SCGB1D4: variants seen among roughly 807,000 people sequenced by gnomAD.
SCGB1D4 encodes the protein secretoglobin family 1D member 4.
SCGB1D4 carries 6 observed loss-of-function variants against 8.1 expected under a neutral mutation model. The observed-to-expected ratio is 0.74, with a 90% CI of 0.40 to 1.45. The LOEUF (loss-of-function observed/expected upper bound fraction) is 1.45, where lower values mean the gene tolerates loss of function less well. SCGB1D4 is among the 40% of genes most tolerant of loss of function. SCGB1D4 has a pLI of 0.02. For missense variants in SCGB1D4, 93 were observed against 95.0 expected (o/e 0.98, Z 0.09); for synonymous variants, 34 against 38.1 (o/e 0.89, Z 0.39).
At chr11:62,297,373 G>T in intron 2 of SCGB1D4, 99 bp downstream of exon 2, 1 of 981,922 alleles carries the variant, frequency 1.0e-6, no homozygotes, top group Non-Finnish European at 1.6e-6. Context: ...GCACACTCTG[G>T]GGACACAGCA....
Position 62,297,761 on chromosome 11 carries a change from C to G in SCGB1D4, c.56-103G>C, listed in dbSNP as rs568387094. On this transcript the variant is annotated intron_variant, in intron 1 of 2. Transcript: ENST00000358585. ...ACAGGATCCCCTGGGTTCTATGTTTCTATACCATTATTGTGCTGATGACAA... is the reference window on the plus strand; with the variant it reads ...ACAGGATCCCCTGGGTTCTATGTTTGTATACCATTATTGTGCTGATGACAA... 1.8e-4 allele frequency: 158 copies of G among 900,410 alleles called. 3 individuals are homozygous for G. In the South Asian group the frequency reaches 2.5e-3, roughly 14 times the overall value. 55.8% of individuals were successfully genotyped at this position (900,410 alleles called of 1,614,324 possible).
In SCGB1D4 at chr11:62,299,073, C is replaced by A; in HGVS notation, c.-63G>T. The A allele has an allele frequency of 6.4e-7, 1 of 1,553,240 alleles. No individual in the cohort carries two copies. The highest frequency in any genetic ancestry group is 8.8e-7 in the Non-Finnish European group (1 of 1,135,024). ...AGTGATTTGGATTCGACTCCAGGAG[C>A]CTGTGTAGTCATGGAGGCCAGGGCT... On this transcript the variant is annotated 5_prime_UTR_variant, in exon 1 of 3. Coordinates refer to ENST00000358585, the MANE Select transcript of SCGB1D4 (RefSeq NM_206998.2).
chr11:62,297,187 G>A (rs146764467), intron 2 of SCGB1D4, among the ~76,000 whole-genome samples: 10 of 152,276 alleles, frequency 6.6e-5, no homozygotes, highest in Admixed American at 1.3e-4. Context: ...CCAGCTCTAG[G>A]TCCCCTCAAG....
rs377568630 is a variant in SCGB1D4 at position 62,296,432 on chromosome 11, AAAAG to A, written c.243-17_243-14del. On this transcript the variant is annotated splice_polypyrimidine_tract_variant and intron_variant, in intron 2 of 2. Coordinates refer to ENST00000358585, the MANE Select transcript of SCGB1D4 (RefSeq NM_206998.2). ...TCACTATTTCCACCTGAAATCAAAAAAAAGAAAGAAAGAAAGAAAGGTGAGGTCA... is the reference window on the plus strand; with the variant it reads ...TCACTATTTCCACCTGAAATCAAAAAAAAGAAAGAAAGAAAGGTGAGGTCA... 68 of 1,607,316 alleles carry A rather than the reference AAAAG, an allele frequency of 4.2e-5. No individual in the cohort carries two copies. The highest frequency in any genetic ancestry group is 5.0e-5 in the Admixed American group (3 of 59,946).
chr11:62,298,305 C>T (rs1328319092), intron 1 of SCGB1D4, among the ~76,000 whole-genome samples: 1 of 152,006 alleles, frequency 6.6e-6, no homozygotes, highest in African/African-American at 2.4e-5. Flanking sequence ...TGCCCAAGAT[C>T]AAGGGGTGGG....
In SCGB1D4 at chr11:62,297,584, G is replaced by A; in HGVS notation, c.130C>T (p.Leu44Phe). 1 of 1,614,116 alleles carries A rather than the reference G, an allele frequency of 6.2e-7. No individual in the cohort carries two copies. The highest frequency in any genetic ancestry group is 8.5e-7 in the Non-Finnish European group (1 of 1,179,954). ...GGTGGATTAAGTTTGGCAACTTGGA[G>A]GTTTACCGCAGCGTCACTTAAGAAT... ...FLFLSDAAVN[L>F]QVAKLNPPPE... Residue 44 changes from leucine to phenylalanine, a missense_variant, in exon 2 of 3, where the codon CTC becomes TTC. Coordinates refer to ENST00000358585, the MANE Select transcript of SCGB1D4 (RefSeq NM_206998.2).
intron 2 of SCGB1D4, among the ~76,000 whole-genome samples, chr11:62,296,866 G>A (rs913721215): frequency 6.6e-6 from 1 of 152,230 alleles, no homozygotes; most frequent in African/African-American, 2.4e-5. Flanking sequence ...CTAACGGCCA[G>A]GGGTCTTATC....
In SCGB1D4 at chr11:62,297,673, T is replaced by G; in HGVS notation, c.56-15A>C. ...AAGAGCATGGGCTGCAGCACAAAAATAAAAATATTGTTGATGTTAGGAAAG... is the reference window on the plus strand; with the variant it reads ...AAGAGCATGGGCTGCAGCACAAAAAGAAAAATATTGTTGATGTTAGGAAAG... On this transcript the variant is annotated splice_polypyrimidine_tract_variant and intron_variant, in intron 1 of 2. Transcript: ENST00000358585. 2 of 1,605,686 alleles carry G rather than the reference T, an allele frequency of 1.2e-6. No homozygotes were observed. Among genetic ancestry groups the G allele is most frequent in the Non-Finnish European group, 1.7e-6 (2 of 1,176,736 alleles).
intron 1 of SCGB1D4, among the ~76,000 whole-genome samples, chr11:62,298,261 GT>G (rs1166633769): frequency 1.3e-5 from 2 of 151,910 alleles, no homozygotes; most frequent in Non-Finnish European, 2.9e-5. Context: ...TTAACCACCA[GT>G]GATAAGAGGA....
At chr11:62,298,873 C>G in intron 1 of SCGB1D4, 83 bp downstream of exon 1, 12 of 1,418,176 alleles carry the variant, frequency 8.5e-6, no homozygotes, top group Non-Finnish European at 1.2e-5. Context: ...CAGACCCCAA[C>G]CCAAAGCACA....
chr11:62,297,452 A>C lies in SCGB1D4; in HGVS notation c.242+20T>G, dbSNP rs770964881. 5.0e-6 allele frequency: 8 copies of C among 1,592,730 alleles called. No individual in the cohort carries two copies. The highest frequency in any genetic ancestry group is 1.7e-4 in the Middle Eastern group (1 of 5,990). ...CAGCTGAGTTGAATTCTGCCTCTGC[A>C]TAAAGGAGAAAGAAATTACCAGGAC... On this transcript the variant is annotated intron_variant, in intron 2 of 2. Coordinates refer to ENST00000358585, the MANE Select transcript of SCGB1D4 (RefSeq NM_206998.2).
At chr11:62,296,600 C>G (rs1343484152) in intron 2 of SCGB1D4, among the ~76,000 whole-genome samples, 181 bp from the exon 3 acceptor site, 1 of 152,200 alleles carries the variant, frequency 6.6e-6, no homozygotes, top group African/African-American at 2.4e-5. Context: ...AACACCCATT[C>G]TGGTGAGAAA....
chr11:62,298,010 TTGTGTGTGTGTGTGTG>T (rs71458409), intron 1 of SCGB1D4, among the ~76,000 whole-genome samples: 4 of 116,226 alleles, frequency 3.4e-5, no homozygotes, highest in South Asian at 3.1e-4. Flanking sequence ...ATGCCCGCTT[TTGTGTGTGTGTGTGTG>T]TGTGTGTGTG....
In SCGB1D4 at chr11:62,299,070, G is replaced by A. The variant is rs558938493; in HGVS notation, c.-60C>T. The A allele has an allele frequency of 1.9e-6, 3 of 1,575,158 alleles. 1 individual carries two copies. Among genetic ancestry groups the A allele is most frequent in the South Asian group, 2.3e-5 (2 of 87,064 alleles). ...ATGAGTGATTTGGATTCGACTCCAG[G>A]AGCCTGTGTAGTCATGGAGGCCAGG... is the stretch of plus-strand genomic sequence containing the variant. On this transcript the variant is annotated 5_prime_UTR_variant, in exon 1 of 3. Transcript: ENST00000358585.
At chr11:62,296,525 G>A in intron 2 of SCGB1D4, 106 bp from the exon 3 acceptor site, 1 of 1,199,266 alleles carries the variant, frequency 8.3e-7, no homozygotes, top group Non-Finnish European at 1.2e-6. Flanking sequence ...TGCCCCAATG[G>A]CAATTGGAAA....
chr11:62,298,670 A>T (rs1397969988), intron 1 of SCGB1D4, among the ~76,000 whole-genome samples: 1 of 151,494 alleles, frequency 6.6e-6, no homozygotes, highest in African/African-American at 2.4e-5. Flanking sequence ...GAGGCAGGAG[A>T]ATCACTTGAA....
At position 62,298,970 on chromosome 11, in the gene SCGB1D4, AG is replaced by A; in HGVS notation, c.40del (p.Leu14PhefsTer24). On this transcript the variant is annotated frameshift_variant, in exon 1 of 3. Transcript: ENST00000358585. LOFTEE classifies it high-confidence loss of function. ...GATGTACTCACCCTGGTAGCAGCAAAGGGCCAGCGAGACCATCAGGAGACAC... is the reference window on the plus strand; with the variant it reads ...GATGTACTCACCCTGGTAGCAGCAAAGGCCAGCGAGACCATCAGGAGACAC... Reference protein sequence around the residue: ...SVCLLMVSLALCCYQAHALVC... With the variant: ...SVCLLMVSLAXCCYQAHALVC... 1.9e-6 allele frequency: 3 copies of A among 1,613,916 alleles called. No homozygotes were observed. The East Asian group carries it at 6.7e-5, about 36-fold the overall frequency.
intron 1 of SCGB1D4, among the ~76,000 whole-genome samples, chr11:62,298,193 C>T (rs1945460153): frequency 6.6e-6 from 1 of 151,704 alleles, no homozygotes; most frequent in Non-Finnish European, 1.5e-5. Flanking sequence ...TGGCCCACAG[C>T]TTGACTCTTG....
At chr11:62,298,805 T>C (rs1402242871) in intron 1 of SCGB1D4, 151 bp downstream of exon 1, 2 of 555,280 alleles carry the variant, frequency 3.6e-6, no homozygotes, top group Non-Finnish European at 3.0e-6. Context: ...AGCTCTAACC[T>C]TTATGAATCT....
Sources: gnomAD v4.1 joint callset for allele counts (sites outside exome capture counted in the v4.1 genomes callset) on GRCh38, gnomAD v4.1.1 for gene constraint, MANE v1.5 for transcripts, NCBI Gene and HGNC (gene_info 2026-07-23, HGNC 2026-07-21) for gene names.